DLG1: variants seen among roughly 807,000 people sequenced by gnomAD.
The protein encoded by DLG1 is discs large MAGUK scaffold protein 1, also known as disks large homolog 1.
A neutral mutation model predicts 123.4 loss-of-function variants in DLG1; 42 were observed. That is an observed-to-expected ratio of 0.34 (90% CI 0.27 to 0.44). DLG1 has a LOEUF of 0.44. Among genes scored for constraint, DLG1 ranks in the 20% least tolerant of loss-of-function variants. The pLI is 1.00. For synonymous variants in DLG1, 317 were observed against 356.2 expected (o/e 0.89, Z 1.24); for missense variants, 942 against 1,082.6 (o/e 0.87, Z 1.82).
chr3:197,052,312 G>C (rs1247888532), intron 23 of DLG1, among the ~76,000 whole-genome samples: 1 of 151,992 alleles, frequency 6.6e-6, no homozygotes, highest in Non-Finnish European at 1.5e-5. Context: ...AAAATTAGCT[G>C]GGTGTGGTGG....
At chr3:197,245,860 T>G (rs1751382405) in intron 4 of DLG1, among the ~76,000 whole-genome samples, 1 of 146,650 alleles carries the variant, frequency 6.8e-6, no homozygotes, top group Non-Finnish European at 1.5e-5. Flanking sequence ...AAAGAGATTT[T>G]TTTTGATGTC....
At chr3:197,295,907 C>G (rs1196096782) in intron 3 of DLG1, among the ~76,000 whole-genome samples, 1 of 152,134 alleles carries the variant, frequency 6.6e-6, no homozygotes, top group African/African-American at 2.4e-5. Context: ...TTTTCCAGGT[C>G]TAAAATTCTG....
intron 6 of DLG1, among the ~76,000 whole-genome samples, chr3:197,146,126 A>T (rs947689140): frequency 4.6e-5 from 7 of 152,130 alleles, no homozygotes; most frequent in African/African-American, 1.7e-4. Context: ...TACAAAGAAA[A>T]CTACAAAACA....
Position 197,296,961 on chromosome 3 carries a change from G to GGGC in DLG1, c.19+224_19+225insGCC, listed in dbSNP as rs1560208720. On this transcript the variant is annotated intron_variant, in intron 2 of 24. Coordinates refer to ENST00000667157, the MANE Select transcript of DLG1 (RefSeq NM_001366207.1). The stretch of plus-strand genomic sequence containing the variant: ...TTATTAAGGACATCTGTTGGGGGGG[G>GGGC]GCTAACTGCCTCTCTTAATCACTAG... The GGGC allele has an allele frequency of 2.9e-5, 16 of 554,692 alleles. No homozygotes were observed. In the East Asian group the frequency reaches 5.0e-4, roughly 17 times the overall value. 34.4% of individuals were successfully genotyped at this position (554,692 alleles called of 1,614,324 possible).
chr3:197,175,816 T>G (rs1806717582), intron 5 of DLG1, among the ~76,000 whole-genome samples: 1 of 152,172 alleles, frequency 6.6e-6, no homozygotes, highest in African/African-American at 2.4e-5. Flanking sequence ...ATAAGAGGTA[T>G]GAAGTACAAT....
At chr3:197,253,528 T>C (rs1389708592) in intron 4 of DLG1, among the ~76,000 whole-genome samples, 1 of 152,354 alleles carries the variant, frequency 6.6e-6, no homozygotes, top group South Asian at 2.1e-4. Flanking sequence ...AACTATCATA[T>C]GACCCATCAA....
intron 5 of DLG1, among the ~76,000 whole-genome samples, chr3:197,192,777 A>T (rs1472368861): frequency 6.6e-6 from 1 of 152,182 alleles, no homozygotes; most frequent in African/African-American, 2.4e-5. Context: ...GCAGGGACTC[A>T]AGATAATTGT....
intron 5 of DLG1, 84 bp downstream of exon 5, chr3:197,194,341 A>G (rs1388636276): frequency 4.2e-6 from 4 of 953,332 alleles, no homozygotes; most frequent in Non-Finnish European, 5.7e-6. Context: ...CCTACATGAA[A>G]GAATACTTCT....
intron 4 of DLG1, among the ~76,000 whole-genome samples, chr3:197,248,252 T>C (rs955437660): frequency 1.3e-5 from 2 of 152,100 alleles, no homozygotes; most frequent in African/African-American, 4.8e-5. Flanking sequence ...AATACTTCAC[T>C]GCCCCCACGG....
intron 12 of DLG1, among the ~76,000 whole-genome samples, chr3:197,118,346 T>C (rs956522667): frequency 1.3e-5 from 2 of 152,210 alleles, no homozygotes; most frequent in Non-Finnish European, 2.9e-5. Context: ...GCCTGAAGAC[T>C]AGCAGCCTTG....
At position 197,287,556 on chromosome 3, in the gene DLG1, C is replaced by CG. The variant is rs545215098; in HGVS notation, c.152-4712dup. Among the ~76,000 whole-genome samples, 414 of 151,978 alleles carry CG rather than the reference C, an allele frequency of 2.7e-3. 2 individuals are homozygous for CG. The highest frequency in any genetic ancestry group is 9.8e-3 in the African/African-American group (406 of 41,448). On this transcript the variant is annotated intron_variant, in intron 3 of 24. Transcript: ENST00000667157. ...AAGCCAAGTTTAAAAGCAAGTAACA[C>CG]GGGAAGTTATTTGCAATTTACACGG...
At chr3:197,252,339 C>T (rs939618588) in intron 4 of DLG1, among the ~76,000 whole-genome samples, 1 of 152,038 alleles carries the variant, frequency 6.6e-6, no homozygotes, top group Non-Finnish European at 1.5e-5. Context: ...AACAAAGTAT[C>T]CATTAACGAA....
At chr3:197,149,601 C>CTT (rs2149754278) in intron 6 of DLG1, 142 bp downstream of exon 6, 1 of 621,588 alleles carries the variant, frequency 1.6e-6, no homozygotes, top group East Asian at 3.0e-5. Flanking sequence ...TTTACTATAG[C>CTT]AATTACAGCT....
chr3:197,170,225 C>A (rs1422471611), intron 5 of DLG1, among the ~76,000 whole-genome samples: 2 of 152,082 alleles, frequency 1.3e-5, no homozygotes, highest in Non-Finnish European at 2.9e-5. Context: ...TGAACCTAAG[C>A]GTTCATGTCT....
chr3:197,115,481 A>G (rs1212952564), intron 13 of DLG1, among the ~76,000 whole-genome samples: 5 of 152,206 alleles, frequency 3.3e-5, no homozygotes, highest in Admixed American at 3.3e-4. Context: ...AACTATGTGT[A>G]CCCAATAATA....
At chr3:197,151,016 T>G (rs1793595458) in intron 5 of DLG1, among the ~76,000 whole-genome samples, 1 of 152,120 alleles carries the variant, frequency 6.6e-6, no homozygotes, top group African/African-American at 2.4e-5. Context: ...GAAAGTCCAC[T>G]CAACAAATAA....
At chr3:197,079,746 C>T (rs1749681244) in intron 17 of DLG1, among the ~76,000 whole-genome samples, 1 of 152,076 alleles carries the variant, frequency 6.6e-6, no homozygotes, top group African/African-American at 2.4e-5. Context: ...CTTCAGATCA[C>T]ACTATATAAT....
chr3:197,133,466 T>C (rs924567465), intron 10 of DLG1, among the ~76,000 whole-genome samples: 6 of 152,188 alleles, frequency 3.9e-5, no homozygotes, highest in Non-Finnish European at 1.5e-5. Flanking sequence ...TGTAAACAAA[T>C]ACATGAGTGG....
chr3:197,133,776 A>G (rs1188563278), intron 10 of DLG1, among the ~76,000 whole-genome samples: 1 of 152,214 alleles, frequency 6.6e-6, no homozygotes, highest in African/African-American at 2.4e-5. Context: ...CAGAATGAAG[A>G]GTGGCTACTA....
Sources: gnomAD v4.1 joint callset for allele counts (sites outside exome capture counted in the v4.1 genomes callset) on GRCh38, gnomAD v4.1.1 for gene constraint, MANE v1.5 for transcripts, NCBI Gene and HGNC (gene_info 2026-07-23, HGNC 2026-07-21) for gene names.